Variants in TMTC1 observed in about 807,000 individuals in gnomAD.
TMTC1 encodes protein O-mannosyl-transferase TMTC1.
A neutral mutation model predicts 104.8 loss-of-function variants in TMTC1; 73 were observed. The observed-to-expected ratio is 0.70, with a 90% CI of 0.58 to 0.85. The LOEUF is 0.85. TMTC1 is among the 40% of genes least tolerant of loss of function. The pLI is 0.00. For synonymous variants in TMTC1, 434 were observed against 428.7 expected (o/e 1.01, Z -0.15); for missense variants, 1,035 against 1,096.1 (o/e 0.94, Z 0.79).
chr12:29,738,812 A>C (rs866775370), intron 5 of TMTC1, among the ~76,000 whole-genome samples: 22 of 152,208 alleles, frequency 1.4e-4, no homozygotes, highest in Non-Finnish European at 5.9e-5. Flanking sequence ...ACATGTATGG[A>C]TACATGACAC....
At chr12:29,572,892 T>C (rs183862398) in intron 8 of TMTC1, among the ~76,000 whole-genome samples, 53 of 152,342 alleles carry the variant, frequency 3.5e-4, no homozygotes, top group Admixed American at 7.2e-4. Context: ...AAAGATTTAA[T>C]GGTTTTCATA....
chr12:29,589,664 G>A (rs1032347450), intron 7 of TMTC1, among the ~76,000 whole-genome samples: 4 of 152,192 alleles, frequency 2.6e-5, no homozygotes, highest in Non-Finnish European at 4.4e-5. Context: ...AACAACTCCA[G>A]AGCAATGGCC....
intron 5 of TMTC1, among the ~76,000 whole-genome samples, chr12:29,700,945 G>A (rs1283518646): frequency 6.6e-6 from 1 of 152,000 alleles, no homozygotes; most frequent in South Asian, 2.1e-4. Context: ...ATTAAGTAAG[G>A]CTCAGGCACT....
At chr12:29,752,531 A>C (rs1592011745) in intron 4 of TMTC1, among the ~76,000 whole-genome samples, 1 of 152,348 alleles carries the variant, frequency 6.6e-6, no homozygotes, top group East Asian at 1.9e-4. Context: ...AGAAACCTTC[A>C]CGTATTTGCA....
At chr12:29,777,336 G>A (rs559672388) in intron 1 of TMTC1, among the ~76,000 whole-genome samples, 19 of 152,020 alleles carry the variant, frequency 1.2e-4, no homozygotes, top group South Asian at 2.1e-4. Context: ...TTAGTGATCC[G>A]CCCGCCTCAG....
At chr12:29,540,588 A>G (rs1944768175) in intron 10 of TMTC1, among the ~76,000 whole-genome samples, 1 of 152,028 alleles carries the variant, frequency 6.6e-6, no homozygotes, top group Admixed American at 6.5e-5. Flanking sequence ...GTTCCTTCAC[A>G]GGTGGGACCT....
chr12:29,714,256 T>C (rs1430908866), intron 5 of TMTC1, among the ~76,000 whole-genome samples: 1 of 152,252 alleles, frequency 6.6e-6, no homozygotes, highest in African/African-American at 2.4e-5. Flanking sequence ...CCAGCGCAGC[T>C]TGCAATTCAA....
At chr12:29,643,588 A>G (rs1221434340) in intron 5 of TMTC1, among the ~76,000 whole-genome samples, 1 of 35,724 alleles carries the variant, frequency 2.8e-5, no homozygotes, top group Non-Finnish European at 4.8e-5. Context: ...TGTCATATAT[A>G]AATATATATT....
Position 29,518,554 on chromosome 12 carries a change from T to A in TMTC1, c.1942A>T (p.Ser648Cys). The A allele has an allele frequency of 4.3e-6, 7 of 1,614,152 alleles. No homozygotes were observed. Among genetic ancestry groups the A allele is most frequent in the Non-Finnish European group, 5.9e-6 (7 of 1,179,990 alleles). The change falls in exon 13 of 18, where the codon AGT becomes TGT. Residue 648 changes from serine (S) to cysteine (C), a missense_variant. Transcript: ENST00000539277. The stretch of plus-strand genomic sequence containing the variant: ...AAGTTCACCATGGCCACGTGATGAC[T>A]GGGGCTAAGTTTGATGGCCTGCTGG... The part of the protein sequence containing the change: ...HYQQAIKLSP[S>C]HHVAMVNLGR...
In TMTC1 at chr12:29,556,929, A is replaced by C; in HGVS notation, c.1604T>G (p.Met535Arg). Residue 535 changes from methionine to arginine, a missense_variant, in exon 10 of 18, where the codon ATG becomes AGG. Transcript: ENST00000539277. ...TLTRDTAEAK[M>R]YYQRALQLHP... ...GAGCTGGAGAGCCCTCTGATAGTAC[A>C]TCTTTGCCTCTGCTGTGTCTCTCGT... 1 of 1,614,112 alleles carries C rather than the reference A, an allele frequency of 6.2e-7. No individual in the cohort carries two copies. Among genetic ancestry groups the C allele is most frequent in the Non-Finnish European group, 8.5e-7 (1 of 1,179,972 alleles).
At chr12:29,606,812 C>T (rs1359543398) in intron 6 of TMTC1, among the ~76,000 whole-genome samples, 1 of 152,180 alleles carries the variant, frequency 6.6e-6, no homozygotes, top group Non-Finnish European at 1.5e-5. Context: ...TCCCCAGCAT[C>T]ACACGTTCTT....
chr12:29,720,297 G>A (rs1223543633), intron 5 of TMTC1, among the ~76,000 whole-genome samples: 1 of 152,174 alleles, frequency 6.6e-6, no homozygotes, highest in African/African-American at 2.4e-5. Flanking sequence ...CAGTGGGAAA[G>A]GGAGCTGAGC....
chr12:29,543,565 T>C (rs1944860677), intron 10 of TMTC1, among the ~76,000 whole-genome samples: 1 of 152,118 alleles, frequency 6.6e-6, no homozygotes, highest in Admixed American at 6.5e-5. Flanking sequence ...TTTGTCGGGG[T>C]GTCTGTTGTT....
intron 6 of TMTC1, among the ~76,000 whole-genome samples, chr12:29,625,439 G>GCTCTGTCT (rs1937931155): frequency 6.6e-6 from 1 of 152,184 alleles, no homozygotes; most frequent in South Asian, 2.1e-4. Flanking sequence ...CATGAGCAAA[G>GCTCTGTCT]CTCTGTCTCC....
intron 5 of TMTC1, among the ~76,000 whole-genome samples, chr12:29,711,361 G>C (rs1311429738): frequency 1.3e-5 from 2 of 152,144 alleles, no homozygotes; most frequent in Non-Finnish European, 1.5e-5. Flanking sequence ...GAGACTATAA[G>C]GGATTATTAA....
intron 5 of TMTC1, among the ~76,000 whole-genome samples, chr12:29,660,195 T>C (rs1463372738): frequency 6.6e-6 from 1 of 152,250 alleles, no homozygotes; most frequent in African/African-American, 2.4e-5. Context: ...CAGCAACTTT[T>C]AGTTCATTCT....
chr12:29,536,174 T>C (rs369516603), intron 11 of TMTC1, 35 bp downstream of exon 11: 432 of 1,326,516 alleles, frequency 3.3e-4, no homozygotes, highest in Middle Eastern at 7.2e-4. Flanking sequence ...CATGTAACAA[T>C]AACATTGAAA....
intron 2 of TMTC1, among the ~76,000 whole-genome samples, chr12:29,766,742 C>T (rs1464240457): frequency 1.3e-5 from 2 of 151,996 alleles, no homozygotes; most frequent in East Asian, 1.9e-4. Flanking sequence ...TTCAGGGAAG[C>T]GTCCAAAGAG....
At chr12:29,635,430 T>C (rs1938501666) in intron 5 of TMTC1, among the ~76,000 whole-genome samples, 1 of 152,184 alleles carries the variant, frequency 6.6e-6, no homozygotes, top group Admixed American at 6.5e-5. Flanking sequence ...CTCAGTCACA[T>C]CCCAGCTCTT....
Sources: allele counts gnomAD v4.1 joint callset (sites outside exome capture counted in the v4.1 genomes callset), GRCh38; gene constraint gnomAD v4.1.1; transcripts MANE v1.5; gene names NCBI Gene and HGNC (gene_info 2026-07-23, HGNC 2026-07-21).